MCTP2: variants seen among roughly 807,000 people sequenced by gnomAD.
The protein encoded by MCTP2 is multiple C2 and transmembrane domain-containing protein 2.
Under a neutral mutation model 111.6 loss-of-function variants are expected in MCTP2, and 132 were observed. The observed-to-expected ratio is 1.18, with a 90% CI of 1.03 to 1.37. The LOEUF is 1.37. MCTP2 is among the 40% of genes most tolerant of loss of function. The probability of loss-of-function intolerance (pLI) is 0.00; values close to 1 mark genes in which losing one functional copy is unlikely to be tolerated. For missense variants in MCTP2, 1,183 were observed against 1,067.9 expected (o/e 1.11, Z -1.50); for synonymous variants, 395 against 387.7 (o/e 1.02, Z -0.22).
At chr15:94,474,414 A>G (rs28635070) in intron 21 of MCTP2, among the ~76,000 whole-genome samples, 1,767 of 152,344 alleles carry the variant, frequency 0.012, 29 homozygotes, top group African/African-American at 0.041. Flanking sequence ...AAACTCTATA[A>G]GGAGGTCTTT....
chr15:94,441,989 C>T (rs765243379), intron 18 of MCTP2, among the ~76,000 whole-genome samples: 3 of 152,162 alleles, frequency 2.0e-5, no homozygotes, highest in Non-Finnish European at 2.9e-5. Flanking sequence ...TTGATGACTG[C>T]TCAGTGGTTT....
intron 8 of MCTP2, among the ~76,000 whole-genome samples, chr15:94,350,952 G>C (rs1349097772): frequency 6.6e-6 from 1 of 151,916 alleles, no homozygotes; most frequent in African/African-American, 2.4e-5. Context: ...GAGTCACTGG[G>C]TATGTGCAGT....
At chr15:94,463,036 C>T (rs928047905) in intron 20 of MCTP2, among the ~76,000 whole-genome samples, 1 of 152,150 alleles carries the variant, frequency 6.6e-6, no homozygotes, top group Non-Finnish European at 1.5e-5. Flanking sequence ...ATGCATTAGT[C>T]AACTGACCTG....
intron 10 of MCTP2, among the ~76,000 whole-genome samples, chr15:94,364,826 G>A (rs1253507936): frequency 2.0e-5 from 3 of 152,174 alleles, no homozygotes; most frequent in Admixed American, 2.0e-4. Flanking sequence ...CAGAGCTTCT[G>A]GTTCTCCTTC....
At chr15:94,326,108 C>T (rs72767448) in intron 4 of MCTP2, among the ~76,000 whole-genome samples, 61,120 of 151,778 alleles carry the variant, frequency 0.4, 13,684 homozygotes, top group East Asian at 0.59. Context: ...CATGAGCCAC[C>T]GTGGCTGGCC....
intron 14 of MCTP2, among the ~76,000 whole-genome samples, chr15:94,390,472 A>C (rs1488674433): frequency 6.6e-6 from 1 of 152,114 alleles, no homozygotes; most frequent in African/African-American, 2.4e-5. Context: ...AGACTTATTT[A>C]ATATTTTTAT....
At chr15:94,382,781 TA>T (rs1422875944) in intron 12 of MCTP2, among the ~76,000 whole-genome samples, 1 of 152,274 alleles carries the variant, frequency 6.6e-6, no homozygotes, top group Non-Finnish European at 1.5e-5. Flanking sequence ...TGCCCCCAAT[TA>T]ATTTAGCAAG....
rs941558430 is a variant in MCTP2, at chr15:94,482,688, G to A, written c.*3654G>A. 1 of 152,196 alleles carries A rather than the reference G, an allele frequency of 6.6e-6. No homozygotes were observed. The highest frequency in any genetic ancestry group is 2.4e-5 in the African/African-American group (1 of 41,450). 9.4% of individuals were successfully genotyped at this position (152,196 alleles called of 1,614,324 possible). ...AAGGCAAACATTGTATATGAAAAGTGATCAAAACTACATGCTTCAAGAAAT... is the reference window on the plus strand; with the variant it reads ...AAGGCAAACATTGTATATGAAAAGTAATCAAAACTACATGCTTCAAGAAAT... On this transcript the variant is annotated 3_prime_UTR_variant, in exon 23 of 23. Transcript: ENST00000357742.
In MCTP2 at chr15:94,402,037, T is replaced by A; in HGVS notation, c.2085+18T>A. ...CATTCGCGGTAAGCTTCCTTTCTTA[T>A]GTTCAAACTATTTGCTTCTTATTTG... On this transcript the variant is annotated intron_variant, in intron 17 of 22. Transcript: ENST00000357742. 1 of 1,607,326 alleles carries A rather than the reference T, an allele frequency of 6.2e-7. No homozygotes were observed. The highest frequency in any genetic ancestry group is 8.5e-7 in the Non-Finnish European group (1 of 1,177,730).
intron 8 of MCTP2, 133 bp downstream of exon 8, chr15:94,345,297 G>A (rs940825874): frequency 2.2e-5 from 20 of 901,756 alleles, no homozygotes; most frequent in East Asian, 1.7e-4. Context: ...CTGCTGTTAC[G>A]AATAAGAAAA....
At chr15:94,245,644 A>G (rs142663538) in intron 1 of MCTP2, among the ~76,000 whole-genome samples, 331 of 146,362 alleles carry the variant, frequency 2.3e-3, no homozygotes, top group African/African-American at 7.3e-3. Flanking sequence ...ACTTATACAT[A>G]TACATATGTA....
intron 12 of MCTP2, among the ~76,000 whole-genome samples, chr15:94,374,194 C>G (rs2079631780): frequency 6.6e-6 from 1 of 152,038 alleles, no homozygotes; most frequent in Admixed American, 6.6e-5. Flanking sequence ...AAAGAAAATA[C>G]AAAGTTAATC....
intron 1 of MCTP2, among the ~76,000 whole-genome samples, chr15:94,254,933 G>T (rs941270473): frequency 1.3e-5 from 2 of 152,112 alleles, no homozygotes; most frequent in African/African-American, 4.8e-5. Context: ...GAAGTTTTCA[G>T]ATGTGTTTCT....
intron 1 of MCTP2, chr15:94,278,090 C>G (rs1284996081): frequency 1.3e-5 from 2 of 151,904 alleles, no homozygotes; most frequent in African/African-American, 4.8e-5. Flanking sequence ...TGTCAAATGC[C>G]CTAATATTAA....
At chr15:94,401,053 G>A (rs1466769584) in intron 16 of MCTP2, among the ~76,000 whole-genome samples, 1 of 152,144 alleles carries the variant, frequency 6.6e-6, no homozygotes, top group Non-Finnish European at 1.5e-5. Context: ...TGCTTTGCAA[G>A]CACATTGAAA....
chr15:94,242,195 A>G (rs1346067258), intron 1 of MCTP2, among the ~76,000 whole-genome samples: 1 of 152,114 alleles, frequency 6.6e-6, no homozygotes, highest in Non-Finnish European at 1.5e-5. Flanking sequence ...TGGGTTTTGA[A>G]TTCAGACAAA....
chr15:94,456,353 A>C (rs1382894680), intron 19 of MCTP2, among the ~76,000 whole-genome samples: 3 of 152,200 alleles, frequency 2.0e-5, no homozygotes. Context: ...TGAAATAGGA[A>C]GTTTTTATTA....
At chr15:94,402,505 C>T (rs1022785813) in intron 17 of MCTP2, 4 of 1,551,564 alleles carry the variant, frequency 2.6e-6, no homozygotes, top group African/African-American at 1.4e-5. Flanking sequence ...GAGGAACCAC[C>T]CCTGTCTATG....
intron 7 of MCTP2, chr15:94,342,740 A>T (rs2077722807): frequency 6.6e-6 from 1 of 151,084 alleles, no homozygotes; most frequent in African/African-American, 2.4e-5. Flanking sequence ...ATATATATTT[A>T]TATATACACA....
Sources: gnomAD v4.1 joint callset for allele counts (sites outside exome capture counted in the v4.1 genomes callset) on GRCh38, gnomAD v4.1.1 for gene constraint, MANE v1.5 for transcripts, NCBI Gene and HGNC (gene_info 2026-07-23, HGNC 2026-07-21) for gene names.